Variants in SLC41A2 observed in about 807,000 individuals in gnomAD.
The protein encoded by SLC41A2 is solute carrier family 41 member 2.
In SLC41A2, 32 loss-of-function variants were observed where a neutral mutation model predicts 58.3. The observed-to-expected ratio is 0.55, with a 90% CI of 0.41 to 0.74. The LOEUF (loss-of-function observed/expected upper bound fraction) is 0.74, where lower values mean the gene tolerates loss of function less well. Among genes scored for constraint, SLC41A2 ranks in the 30% least tolerant of loss-of-function variants. The pLI is 0.00. For missense variants in SLC41A2, 514 were observed against 680.6 expected (o/e 0.76, Z 2.72); for synonymous variants, 190 against 235.0 (o/e 0.81, Z 1.75).
chr12:104,827,984 C>T (rs1045289072), intron 10 of SLC41A2, among the ~76,000 whole-genome samples: 9 of 152,108 alleles, frequency 5.9e-5, no homozygotes, highest in African/African-American at 2.2e-4. Flanking sequence ...TGCCCATGGA[C>T]CTAGGTGAAG....
Position 104,822,492 on chromosome 12 carries a change from G to A in SLC41A2, c.1537-17155C>T, listed in dbSNP as rs960755039. Among the ~76,000 whole-genome samples the A allele has an allele frequency of 2.0e-5, 3 of 152,176 alleles. 1 individual carries two copies. Among genetic ancestry groups the A allele is most frequent in the Admixed American group, 2.0e-4 (3 of 15,282 alleles). On this transcript the variant is annotated intron_variant, in intron 10 of 10. Transcript: ENST00000258538. ...ATTTTTAAAAAAGTTTTAAAAAATA[G>A]CATACACACCAAAATTATTTGTGAT... is the stretch of plus-strand genomic sequence containing the variant.
chr12:104,898,347 G>T lies in SLC41A2; in HGVS notation c.664-3002C>A, dbSNP rs144759431. Among the ~76,000 whole-genome samples the T allele has an allele frequency of 4.7e-3, 716 of 152,098 alleles. 7 individuals are homozygous for T. Among genetic ancestry groups the T allele is most frequent in the Non-Finnish European group, 7.1e-3 (486 of 68,004 alleles). On this transcript the variant is annotated intron_variant, in intron 3 of 10. Transcript: ENST00000258538. Reference sequence around the variant, plus strand: ...ACTTATCTGACACTGAGACATATTAGTTATAAGCAAGACTTAGGATTTATT... The same window carrying T: ...ACTTATCTGACACTGAGACATATTATTTATAAGCAAGACTTAGGATTTATT...
chr12:104,909,324 T>C (rs1293149085), intron 3 of SLC41A2, among the ~76,000 whole-genome samples: 3 of 152,170 alleles, frequency 2.0e-5, no homozygotes, highest in Non-Finnish European at 2.9e-5. Flanking sequence ...GTATTACTTC[T>C]ACAATTACAG....
Position 104,920,195 on chromosome 12 carries a change from TATC to T in SLC41A2, c.555+7775_555+7777del, listed in dbSNP as rs1291225145. Among the ~76,000 whole-genome samples the T allele has an allele frequency of 2.6e-5, 4 of 152,222 alleles. No homozygotes were observed. In the East Asian group the frequency reaches 7.7e-4, roughly 29 times the overall value. On this transcript the variant is annotated intron_variant, in intron 2 of 10. Transcript: ENST00000258538. ...ATCTCTGTGTCTATCCATCCTCTAATATCATGCAGTCTGGATTATTAAACCATA... is the reference window on the plus strand; with the variant it reads ...ATCTCTGTGTCTATCCATCCTCTAATATGCAGTCTGGATTATTAAACCATA...
chr12:104,937,169 T>C (rs1336808415), intron 1 of SLC41A2, among the ~76,000 whole-genome samples: 1 of 152,202 alleles, frequency 6.6e-6, no homozygotes, highest in African/African-American at 2.4e-5. Flanking sequence ...TAAGCTATAG[T>C]TTAACAAAGA....
intron 1 of SLC41A2, among the ~76,000 whole-genome samples, chr12:104,929,529 GTC>G (rs2046977426): frequency 6.6e-6 from 1 of 152,210 alleles, no homozygotes; most frequent in Non-Finnish European, 1.5e-5. Context: ...AGTGACTAGA[GTC>G]TCTTTGAAGA....
chr12:104,953,868 C>A (rs1328396124), intron 1 of SLC41A2, among the ~76,000 whole-genome samples: 1 of 152,152 alleles, frequency 6.6e-6, no homozygotes, highest in South Asian at 2.1e-4. Context: ...AGTCTGATTT[C>A]TGGGTCCTAG....
chr12:104,927,859 G>T, intron 2 of SLC41A2, 114 bp downstream of exon 2: 2 of 964,670 alleles, frequency 2.1e-6, no homozygotes, highest in East Asian at 5.6e-5. Context: ...ATTTTACCAA[G>T]GGATAAATTA....
chr12:104,905,635 C>T (rs970925223), intron 3 of SLC41A2, among the ~76,000 whole-genome samples: 2 of 152,196 alleles, frequency 1.3e-5, no homozygotes, highest in African/African-American at 4.8e-5. Context: ...GCATGGCAGG[C>T]TGCAGGTCCT....
At chr12:104,844,206 C>T (rs2042521879) in intron 10 of SLC41A2, among the ~76,000 whole-genome samples, 1 of 152,010 alleles carries the variant, frequency 6.6e-6, no homozygotes, top group African/African-American at 2.4e-5. Context: ...TTATTAGCTC[C>T]ATGGGAAAGA....
intron 10 of SLC41A2, among the ~76,000 whole-genome samples, chr12:104,825,185 G>A (rs2041795146): frequency 6.6e-6 from 1 of 152,196 alleles, no homozygotes; most frequent in Non-Finnish European, 1.5e-5. Context: ...TTTTCCTAGA[G>A]GTGCATGTAT....
At chr12:104,899,877 TTTTTTGTTG>T (rs1282970403) in intron 3 of SLC41A2, among the ~76,000 whole-genome samples, 3 of 152,154 alleles carry the variant, frequency 2.0e-5, no homozygotes, top group Admixed American at 6.5e-5. Flanking sequence ...TTCTGCCTAC[TTTTTTGTTG>T]TTTTTGTTGT....
At chr12:104,868,444 G>A (rs1183677945) in intron 6 of SLC41A2, among the ~76,000 whole-genome samples, 2 of 152,054 alleles carry the variant, frequency 1.3e-5, no homozygotes, top group South Asian at 2.1e-4. Flanking sequence ...GCTGAAAAAC[G>A]CACCCACCAC....
intron 1 of SLC41A2, among the ~76,000 whole-genome samples, chr12:104,948,619 A>C (rs578058983): frequency 3.2e-4 from 49 of 152,186 alleles, no homozygotes; most frequent in Non-Finnish European, 6.2e-4. Flanking sequence ...AAGACACAGG[A>C]CTTGAGTTCA....
At chr12:104,907,177 C>T (rs1273293203) in intron 3 of SLC41A2, among the ~76,000 whole-genome samples, 7 of 148,828 alleles carry the variant, frequency 4.7e-5, no homozygotes, top group Non-Finnish European at 3.0e-5. Context: ...GCCAGTATGT[C>T]ACTCGTTATC....
intron 2 of SLC41A2, among the ~76,000 whole-genome samples, chr12:104,914,048 C>T (rs973319595): frequency 4.0e-5 from 6 of 151,326 alleles, no homozygotes; most frequent in South Asian, 2.1e-4. Context: ...GGTGACAGGG[C>T]GAGACTCTAT....
Position 104,866,405 on chromosome 12 carries a change from CACACACACACAT to C in SLC41A2, c.1175+15_1175+26del, listed in dbSNP as rs767311305. On this transcript the variant is annotated intron_variant, in intron 7 of 10. Transcript: ENST00000258538. ...GTACACACACACACACACACACACA[CACACACACACAT>C]ATTTTAATACTAACCTACTTATAAC... 6.3e-7 allele frequency: 1 copy of C among 1,599,976 alleles called. No homozygotes were observed. Among genetic ancestry groups the C allele is most frequent in the African/African-American group, 1.4e-5 (1 of 73,260 alleles).
rs1859274526 is a variant in SLC41A2, at chr12:104,802,120, C to G, written c.*3032G>C. On this transcript the variant is annotated 3_prime_UTR_variant, in exon 11 of 11. Transcript: ENST00000258538. ...ATGGTGTGGAATTTTTGGACACCTA[C>G]CAGAACACATATTACCATAAGTTTC... 1.3e-5 allele frequency among the ~76,000 whole-genome samples: 2 copies of G among 151,914 alleles called. No individual in the cohort carries two copies. Among genetic ancestry groups the G allele is most frequent in the African/African-American group, 4.8e-5 (2 of 41,358 alleles).
intron 10 of SLC41A2, among the ~76,000 whole-genome samples, chr12:104,836,566 T>C (rs995050985): frequency 1.3e-5 from 2 of 152,124 alleles, no homozygotes; most frequent in Admixed American, 1.3e-4. Context: ...CTGAACACTA[T>C]AAAATAATAA....
Sources: allele counts gnomAD v4.1 joint callset (sites outside exome capture counted in the v4.1 genomes callset), GRCh38; gene constraint gnomAD v4.1.1; transcripts MANE v1.5; gene names NCBI Gene and HGNC (gene_info 2026-07-23, HGNC 2026-07-21).